The following SAMD3 variants were observed in gnomAD, a reference collection of about 807,000 sequenced individuals.
The protein encoded by SAMD3 is sterile alpha motif domain containing 3.
In SAMD3, 63 loss-of-function variants were observed where a neutral mutation model predicts 58.5. The observed-to-expected ratio is 1.08, with a 90% CI of 0.88 to 1.33. The LOEUF is 1.33. SAMD3 is among the 40% of genes most tolerant of loss of function. The probability of loss-of-function intolerance (pLI) is 0.00; values close to 1 mark genes in which losing one functional copy is unlikely to be tolerated. For missense variants in SAMD3, 604 were observed against 608.4 expected, an observed-to-expected ratio of 0.99 and a Z score of 0.08; for synonymous variants, 220 against 210.3, an observed-to-expected ratio of 1.05 and a Z score of -0.40.
At chr6:130,148,547 C>G (rs1054836671) in intron 9 of SAMD3, among the ~76,000 whole-genome samples, 5 of 152,154 alleles carry the variant, frequency 3.3e-5, no homozygotes, top group Non-Finnish European at 7.3e-5. Flanking sequence ...TCCACGAACC[C>G]TAATTCCTTT....
intron 2 of SAMD3, among the ~76,000 whole-genome samples, chr6:130,241,929 G>A (rs1271219632): frequency 6.6e-6 from 1 of 151,658 alleles, no homozygotes. Flanking sequence ...AATTTTCATT[G>A]TCTTTTAAAA....
intron 8 of SAMD3, among the ~76,000 whole-genome samples, chr6:130,158,527 G>A (rs970538152): frequency 6.6e-6 from 1 of 151,908 alleles, no homozygotes; most frequent in Admixed American, 6.6e-5. Context: ...AATTTTAAGA[G>A]CAAAAACTTA....
At chr6:130,167,455 C>CA (rs1304831054) in intron 8 of SAMD3, among the ~76,000 whole-genome samples, 1 of 152,018 alleles carries the variant, frequency 6.6e-6, no homozygotes, top group Non-Finnish European at 1.5e-5. Context: ...AGGATTATGA[C>CA]AAAAAAATAC....
intron 2 of SAMD3, among the ~76,000 whole-genome samples, chr6:130,295,812 C>T (rs1475850084): frequency 6.6e-6 from 1 of 152,158 alleles, no homozygotes; most frequent in East Asian, 1.9e-4. Context: ...CTGCATTATA[C>T]CTGCTTTCTA....
At chr6:130,328,803 G>A (rs531299499) in intron 1 of SAMD3, among the ~76,000 whole-genome samples, 2 of 152,166 alleles carry the variant, frequency 1.3e-5, no homozygotes, top group Non-Finnish European at 2.9e-5. Context: ...TCAACTTCAA[G>A]AAATCTTCTG....
intron 1 of SAMD3, among the ~76,000 whole-genome samples, chr6:130,332,737 A>T (rs1776972303): frequency 6.6e-6 from 1 of 152,190 alleles, no homozygotes; most frequent in East Asian, 1.9e-4. Flanking sequence ...ATTTTTAGAA[A>T]GAATTTTGCT....
At chr6:130,155,550 G>A (rs1789699801) in intron 8 of SAMD3, among the ~76,000 whole-genome samples, 1 of 152,148 alleles carries the variant, frequency 6.6e-6, no homozygotes, top group Admixed American at 6.5e-5. Flanking sequence ...TACGTTGGGC[G>A]GAGTGGGGGC....
At chr6:130,178,279 G>T (rs963949990) in intron 7 of SAMD3, among the ~76,000 whole-genome samples, 2 of 150,960 alleles carry the variant, frequency 1.3e-5, no homozygotes, top group Non-Finnish European at 3.0e-5. Flanking sequence ...CGCCCGGCTG[G>T]CCCAACCCTT....
At position 130,248,179 on chromosome 6, in the gene SAMD3, C is replaced by CGTGTGT. The variant is rs71810571; in HGVS notation, c.-187-25372_-187-25367dup. On this transcript the variant is annotated intron_variant, in intron 2 of 13. Coordinates refer to the SAMD3 transcript ENST00000368134. ...AATCATTTCATTTTTAAGTGTTTTG[C>CGTGTGT]GTGTGTGTGTGTGTGTGTGTGTGTG... Among the ~76,000 whole-genome samples the CGTGTGT allele has an allele frequency of 8.1e-4, 119 of 146,394 alleles. 1 individual carries two copies. The highest frequency in any genetic ancestry group is 1.4e-3 in the Admixed American group (21 of 14,688).
rs949689474 is a variant in SAMD3 at position 130,266,640 on chromosome 6, G to A, written c.-187-43827C>T. On this transcript the variant is annotated intron_variant, in intron 2 of 13. Transcript: ENST00000368134. ...ATGTAGATCCTCCCAGAGTCCCACCGGGACTGGACAGCCCCCACTGGATTA... is the reference window on the plus strand; with the variant it reads ...ATGTAGATCCTCCCAGAGTCCCACCAGGACTGGACAGCCCCCACTGGATTA... Among the ~76,000 whole-genome samples the A allele has an allele frequency of 9.9e-5, 15 of 152,242 alleles. No homozygotes were observed. The East Asian group carries it at 1.3e-3, about 14-fold the overall frequency.
chr6:130,172,388 T>C (rs763164596), intron 8 of SAMD3, among the ~76,000 whole-genome samples: 4 of 152,352 alleles, frequency 2.6e-5, no homozygotes, highest in Non-Finnish European at 4.4e-5. Context: ...GGAGCTCTTG[T>C]AAAGCAGGCC....
chr6:130,228,430 C>T (rs1471074455), intron 2 of SAMD3, among the ~76,000 whole-genome samples: 1 of 152,040 alleles, frequency 6.6e-6, no homozygotes, highest in Non-Finnish European at 1.5e-5. Flanking sequence ...TTTGGGAGAA[C>T]CAGAAATGGA....
intron 7 of SAMD3, among the ~76,000 whole-genome samples, chr6:130,178,745 C>A (rs1049250523): frequency 6.6e-6 from 1 of 152,180 alleles, no homozygotes; most frequent in Non-Finnish European, 1.5e-5. Flanking sequence ...ACTGCACTAG[C>A]CTTTTGGGAG....
chr6:130,266,222 C>T (rs530239300), intron 2 of SAMD3, among the ~76,000 whole-genome samples: 2 of 152,248 alleles, frequency 1.3e-5, no homozygotes, highest in South Asian at 4.2e-4. Flanking sequence ...CTGAATGTGC[C>T]AGTACCAGAA....
chr6:130,184,670 T>A, intron 5 of SAMD3, 47 bp from the exon 6 acceptor site: 7 of 1,488,610 alleles, frequency 4.7e-6, no homozygotes, highest in Non-Finnish European at 6.4e-6. Context: ...TCCAAATATA[T>A]GCAGTTTATT....
chr6:130,232,261 T>C (rs1303403027), intron 2 of SAMD3, among the ~76,000 whole-genome samples: 2 of 152,142 alleles, frequency 1.3e-5, no homozygotes, highest in African/African-American at 2.4e-5. Context: ...CTGATTGGTG[T>C]TTAAAAGACT....
chr6:130,272,880 A>T (rs965869638), intron 2 of SAMD3, among the ~76,000 whole-genome samples: 1 of 152,124 alleles, frequency 6.6e-6, no homozygotes, highest in South Asian at 2.1e-4. Context: ...CTCATTTATC[A>T]TAGATTGGGA....
At chr6:130,156,835 G>A (rs945247020) in intron 8 of SAMD3, among the ~76,000 whole-genome samples, 8 of 152,068 alleles carry the variant, frequency 5.3e-5, no homozygotes, top group East Asian at 1.9e-4. Flanking sequence ...TTGGGAGGCC[G>A]AGGCGGGTGG....
intron 2 of SAMD3, among the ~76,000 whole-genome samples, chr6:130,255,079 T>C (rs991823528): frequency 1.3e-5 from 2 of 152,238 alleles, no homozygotes; most frequent in African/African-American, 4.8e-5. Flanking sequence ...AGAATGTTGT[T>C]TACTTTCCAA....
Sources: gnomAD v4.1 joint callset for allele counts (sites outside exome capture counted in the v4.1 genomes callset) on GRCh38, gnomAD v4.1.1 for gene constraint, MANE v1.5 for transcripts, NCBI Gene and HGNC (gene_info 2026-07-23, HGNC 2026-07-21) for gene names.